Variants in LAMA3 observed in about 807,000 individuals in gnomAD.
The protein encoded by LAMA3 is laminin subunit alpha-3.
A neutral mutation model predicts 402.0 loss-of-function variants in LAMA3; 281 were observed. That is an observed-to-expected ratio of 0.70 (90% confidence interval 0.63 to 0.77). The LOEUF is 0.77. LAMA3 is among the 30% of genes least tolerant of loss of function. The pLI is 0.00. For synonymous variants in LAMA3, 1,431 were observed against 1,558.4 expected (o/e 0.92, Z 1.93); for missense variants, 3,840 against 4,215.5 (o/e 0.91, Z 2.47).
chr18:23,760,685 A>G (rs760928057), intron 7 of LAMA3, among the ~76,000 whole-genome samples: 9 of 152,216 alleles, frequency 5.9e-5, no homozygotes, highest in Non-Finnish European at 1.3e-4. Flanking sequence ...AAAAAAATAA[A>G]TAAAGTAAAA....
At chr18:23,694,329 GT>G (rs1480968241) in intron 1 of LAMA3, among the ~76,000 whole-genome samples, 6 of 152,226 alleles carry the variant, frequency 3.9e-5, no homozygotes, top group African/African-American at 1.4e-4. Context: ...TGCATACTGT[GT>G]ATAGGAGTGA....
At chr18:23,721,319 T>A (rs574136830) in intron 2 of LAMA3, among the ~76,000 whole-genome samples, 62 of 152,330 alleles carry the variant, frequency 4.1e-4, no homozygotes, top group South Asian at 1.4e-3. Context: ...GGTTAAGCAG[T>A]TCCCCTCCAA....
At chr18:23,766,241 C>A (rs2062072279) in intron 8 of LAMA3, among the ~76,000 whole-genome samples, 1 of 152,030 alleles carries the variant, frequency 6.6e-6, no homozygotes, top group South Asian at 2.1e-4. Context: ...TGACTGTGGA[C>A]TTTTTATTAG....
chr18:23,897,726 TA>T (rs1303596460), intron 44 of LAMA3, among the ~76,000 whole-genome samples: 1 of 152,192 alleles, frequency 6.6e-6, no homozygotes, highest in Non-Finnish European at 1.5e-5. Flanking sequence ...TTCCCCAAAG[TA>T]AAGTTAAAAT....
intron 70 of LAMA3, 155 bp downstream of exon 70, chr18:23,946,439 A>G (rs2082715882): frequency 2.3e-6 from 2 of 874,042 alleles, no homozygotes; most frequent in African/African-American, 1.7e-5. Context: ...CACATAGAGT[A>G]AGTGCCCATT....
intron 12 of LAMA3, among the ~76,000 whole-genome samples, chr18:23,804,294 A>AGATC: frequency 6.6e-6 from 1 of 152,312 alleles, no homozygotes; most frequent in South Asian, 2.1e-4. Flanking sequence ...AAGCACCATT[A>AGATC]GATCTGCTCA....
At position 23,912,803 on chromosome 18, in the gene LAMA3, C is replaced by T. The variant is rs529746364; in HGVS notation, c.7251C>T (p.Ser2417=). The T allele has an allele frequency of 6.2e-7, 1 of 1,613,820 alleles. No homozygotes were observed. Among genetic ancestry groups the T allele is most frequent in the African/African-American group, 1.3e-5 (1 of 75,042 alleles). The change falls in exon 56 of 75, where the codon TCC becomes TCT. Residue 2417 remains serine, a synonymous_variant. Transcript: ENST00000313654. The part of the protein sequence containing the change: ...LEDLKGYTSL[S]LFLQRPNSRE... ...ATTTGAAAGGATATACATCTCTGTCCTTGTTTCTCCAAAGGCCCAACTCAA... is the reference window on the plus strand; with the variant it reads ...ATTTGAAAGGATATACATCTCTGTCTTTGTTTCTCCAAAGGCCCAACTCAA...
At chr18:23,739,040 C>T (rs568083244) in intron 2 of LAMA3, among the ~76,000 whole-genome samples, 2 of 152,348 alleles carry the variant, frequency 1.3e-5, no homozygotes, top group Admixed American at 1.3e-4. Context: ...CCTCTCTGGC[C>T]TTACTCTGGA....
chr18:23,713,928 C>A lies in LAMA3; in HGVS notation c.303C>A (p.Phe101Leu). The A allele has an allele frequency of 6.2e-7, 1 of 1,612,680 alleles. No individual in the cohort carries two copies. Among genetic ancestry groups the A allele is most frequent in the Non-Finnish European group, 8.5e-7 (1 of 1,179,610 alleles). The change falls in exon 2 of 75, where the codon TTC (phenylalanine) becomes TTA (leucine). Residue 101 changes from phenylalanine (F) to leucine (L), a missense_variant. Transcript: ENST00000313654. ...CACTTTTTTTTTTTCAGGGCCAGTT[C>A]TGTGACTATTGCAATTCTGAAGACC... ...PGSGHTIQGQ[F>L]CDYCNSEDPR...
chr18:23,863,230 G>C (rs886879252), intron 35 of LAMA3, among the ~76,000 whole-genome samples: 2 of 152,236 alleles, frequency 1.3e-5, no homozygotes, highest in African/African-American at 4.8e-5. Context: ...GATCATCTGA[G>C]GTCAGGAGTT....
At chr18:23,805,622 A>T (rs2062948328) in intron 12 of LAMA3, among the ~76,000 whole-genome samples, 1 of 152,202 alleles carries the variant, frequency 6.6e-6, no homozygotes, top group Non-Finnish European at 1.5e-5. Flanking sequence ...GATGGACCTG[A>T]GTTAAAGCTT....
At chr18:23,929,206 ATATT>A (rs2082093080) in intron 64 of LAMA3, among the ~76,000 whole-genome samples, 4 of 152,222 alleles carry the variant, frequency 2.6e-5, no homozygotes, top group Admixed American at 2.6e-4. Context: ...TAGTTGGACA[ATATT>A]TATACCTGGG....
chr18:23,729,359 C>T (rs543379655), intron 2 of LAMA3, among the ~76,000 whole-genome samples: 46 of 152,150 alleles, frequency 3.0e-4, no homozygotes, highest in Non-Finnish European at 5.0e-4. Flanking sequence ...CTCATATGTC[C>T]CTCATATACA....
At chr18:23,787,290 T>A (rs980166461) in intron 12 of LAMA3, among the ~76,000 whole-genome samples, 1 of 150,966 alleles carries the variant, frequency 6.6e-6, no homozygotes, top group Non-Finnish European at 1.5e-5. Context: ...CTCAAATAAA[T>A]AAATAAATAA....
At chr18:23,814,883 T>C (rs190987199) in intron 15 of LAMA3, among the ~76,000 whole-genome samples, 129 of 152,364 alleles carry the variant, frequency 8.5e-4, no homozygotes, top group Admixed American at 1.4e-3. Flanking sequence ...TGTATTTTCA[T>C]GCATGCATAT....
intron 10 of LAMA3, among the ~76,000 whole-genome samples, chr18:23,776,931 G>A (rs1250298491): frequency 6.7e-6 from 1 of 149,724 alleles, no homozygotes; most frequent in Admixed American, 6.7e-5. Flanking sequence ...ACCTCTGCCT[G>A]CCAGGTTCAA....
rs2061414915 is a variant in LAMA3 at position 23,732,799 on chromosome 18, A to G, written c.448-15144A>G. On this transcript the variant is annotated intron_variant, in intron 2 of 74. Coordinates refer to ENST00000313654, the MANE Select transcript of LAMA3 (RefSeq NM_198129.4). ...ACTGCAGCCTCTGTATCTATAAATT[A>G]GAGATAATAATAGTACTGACATACT... Among the ~76,000 whole-genome samples, 3 of 152,096 alleles carry G rather than the reference A, an allele frequency of 2.0e-5. No homozygotes were observed. The South Asian group carries it at 6.2e-4, about 32-fold the overall frequency.
intron 5 of LAMA3, among the ~76,000 whole-genome samples, chr18:23,751,602 A>G (rs560528373): frequency 4.1e-4 from 62 of 152,334 alleles, no homozygotes; most frequent in African/African-American, 1.4e-3. Context: ...CCTGCTTCTC[A>G]TCAGAGGTTA....
chr18:23,783,977 T>C (rs753521984), intron 11 of LAMA3, 46 bp from the exon 12 acceptor site: 5 of 1,611,176 alleles, frequency 3.1e-6, no homozygotes, highest in Middle Eastern at 1.7e-4. Context: ...ATTAAGAAAG[T>C]GATGGAAGAT....
Sources: gnomAD v4.1 joint callset for allele counts (sites outside exome capture counted in the v4.1 genomes callset) on GRCh38, gnomAD v4.1.1 for gene constraint, MANE v1.5 for transcripts, NCBI Gene and HGNC (gene_info 2026-07-23, HGNC 2026-07-21) for gene names.